The following EQTN variants were observed in gnomAD, a reference collection of about 807,000 sequenced individuals.
The protein encoded by EQTN is Acrosome formation associated factor.
A neutral mutation model predicts 26.9 loss-of-function variants in EQTN; 29 were observed. That is an observed-to-expected ratio of 1.08 (90% CI 0.80 to 1.47). The LOEUF (loss-of-function observed/expected upper bound fraction) is 1.47, where lower values mean the gene tolerates loss of function less well. Among genes scored for constraint, EQTN ranks in the 40% most tolerant of loss-of-function variants. The probability of loss-of-function intolerance (pLI) is 0.00; values close to 1 mark genes in which losing one functional copy is unlikely to be tolerated. For synonymous variants in EQTN, 129 were observed against 120.0 expected (o/e 1.07, Z -0.49); for missense variants, 391 against 346.1 (o/e 1.13, Z -1.03).
In EQTN at chr9:27,293,956, AC is replaced by A. The variant is rs1342175208; in HGVS notation, c.289+359del. The stretch of plus-strand genomic sequence containing the variant: ...AGACAAAAATCAGAAAGGCAAAAAA[AC>A]GTGGGTTTAAGAAAGATGTAAATTT... On this transcript the variant is annotated intron_variant, in intron 3 of 7. Coordinates refer to ENST00000380032, the MANE Select transcript of EQTN (RefSeq NM_020641.3). 2.6e-5 allele frequency among the ~76,000 whole-genome samples: 4 copies of A among 152,248 alleles called. No homozygotes were observed. In the South Asian group the frequency reaches 8.3e-4, roughly 32 times the overall value.
chr9:27,286,469 G>A, intron 6 of EQTN, 107 bp from the exon 7 acceptor site: 3 of 1,091,118 alleles, frequency 2.7e-6, no homozygotes, highest in South Asian at 1.6e-5. Context: ...ACCATCCAGA[G>A]TATTAACTGG....
intron 6 of EQTN, among the ~76,000 whole-genome samples, chr9:27,287,150 C>G (rs904641456): frequency 6.6e-6 from 1 of 152,120 alleles, no homozygotes; most frequent in Admixed American, 6.6e-5. Context: ...AGCCAACCCC[C>G]AGCATCTGCC....
chr9:27,297,108 C>T lies in EQTN; in HGVS notation c.-53G>A. The T allele has an allele frequency of 7.8e-7, 1 of 1,283,610 alleles. No individual in the cohort carries two copies. The allele number at this position is 1,283,610 out of a possible 1,614,324, so 79.5% of individuals were successfully genotyped here. A position where few individuals can be genotyped will look rare whatever the true frequency, so the allele number is the denominator to read the frequency against. ...ATCTAGTGCGTCTACCCAGAGCCTC[C>T]TTTCTGTGGCCCAGCAGGTCCTGTG... On this transcript the variant is annotated 5_prime_UTR_variant, in exon 1 of 8. Coordinates refer to ENST00000380032, the MANE Select transcript of EQTN (RefSeq NM_020641.3).
rs1371414760 is a variant in EQTN at position 27,296,696 on chromosome 9, T to C, written c.119A>G (p.Gln40Arg). ...VLPLNEDVNK[Q>R]EEKNEDHTPN... ...AGTATGATCTTCATTCTTTTCTTCC[T>C]GCTTATTAACATCTTCATTTAAAGG... The change falls in exon 2 of 8, where the codon CAG becomes CGG. Residue 40 changes from glutamine (Q) to arginine (R), a missense_variant. Gln to Arg is a conservative substitution (Grantham distance 43). Transcript: ENST00000380032. The C allele has an allele frequency of 5.6e-6, 9 of 1,609,510 alleles. No homozygotes were observed. Among genetic ancestry groups the C allele is most frequent in the Admixed American group, 1.7e-5 (1 of 59,092 alleles).
rs115477785 is a variant in EQTN at position 27,291,825 on chromosome 9, G to A, written c.376+576C>T. ...AAAATAGGGTTTCATGTAACGACAC[G>A]TAAGTATCCATTCTCTTCAATTAGG... On this transcript the variant is annotated intron_variant, in intron 4 of 7. Coordinates refer to ENST00000380032, the MANE Select transcript of EQTN (RefSeq NM_020641.3). 2.3e-3 allele frequency among the ~76,000 whole-genome samples: 346 copies of A among 152,258 alleles called. 1 individual carries two copies. The highest frequency in any genetic ancestry group is 8.0e-3 in the African/African-American group (333 of 41,538).
rs1031121748 is a variant in EQTN at position 27,296,926 on chromosome 9, A to G, written c.76+54T>C. ...TGCCACATACCAATTTTTCATGATT[A>G]TGGGTCATCCTTCTTACCTACTATT... On this transcript the variant is annotated intron_variant, in intron 1 of 7. Transcript: ENST00000380032. 10 of 1,594,002 alleles carry G rather than the reference A, an allele frequency of 6.3e-6. No homozygotes were observed. The East Asian group carries it at 1.6e-4, about 25-fold the overall frequency.
rs778808022 is a variant in EQTN, at chr9:27,296,639, C to A, written c.176G>T (p.Gly59Val). ...PNYAPANEKN[G>V]NYYKDIKQYV... ...TTGTTTTATATCTTTATAATAATTG[C>A]CATTTTTCTCATTAGCAGGAGCATA... Residue 59 changes from glycine (G) to valine (V), a missense_variant, in exon 2 of 8, where the codon GGC becomes GTC. Coordinates refer to ENST00000380032, the MANE Select transcript of EQTN (RefSeq NM_020641.3). 3.9e-6 allele frequency: 6 copies of A among 1,556,044 alleles called. No individual in the cohort carries two copies. The Admixed American group carries it at 8.7e-5, about 23-fold the overall frequency.
chr9:27,285,245 G>T (rs1440130161), intron 7 of EQTN, among the ~76,000 whole-genome samples: 1 of 137,354 alleles, frequency 7.3e-6, no homozygotes, highest in Non-Finnish European at 1.5e-5. Flanking sequence ...CCAGGGGCAC[G>T]CGATTCTCCT....
intron 6 of EQTN, among the ~76,000 whole-genome samples, chr9:27,287,480 G>A (rs2131304349): frequency 6.6e-6 from 1 of 152,260 alleles, no homozygotes; most frequent in Middle Eastern, 3.4e-3. Flanking sequence ...AACTAGAGAA[G>A]GGTTTGGAAT....
chr9:27,294,395 G>T lies in EQTN; in HGVS notation c.210C>A (p.Phe70Leu). 6.3e-7 allele frequency: 1 copy of T among 1,590,428 alleles called. No individual in the cohort carries two copies. Among genetic ancestry groups the T allele is most frequent in the Non-Finnish European group, 8.6e-7 (1 of 1,164,898 alleles). Residue 70 changes from phenylalanine to leucine, a missense_variant, in exon 3 of 8, where the codon TTC (phenylalanine) becomes TTA (leucine). Transcript: ENST00000380032. ...NYYKDIKQYV[F>L]TTQNPNGTES... is the part of the protein sequence containing the mutation. ...CAGTGCCATTTGGATTTTGTGTTGT[G>T]AACACATCTAAAAACAAAAGCGAAA...
intron 2 of EQTN, among the ~76,000 whole-genome samples, chr9:27,294,915 A>G (rs1407803319): frequency 2.0e-5 from 3 of 152,212 alleles, no homozygotes; most frequent in Non-Finnish European, 4.4e-5. Flanking sequence ...GTTGGCTGCA[A>G]TTCAAAACTA....
chr9:27,285,197 G>T (rs914239772), intron 7 of EQTN, among the ~76,000 whole-genome samples: 7 of 121,944 alleles, frequency 5.7e-5, no homozygotes, highest in Non-Finnish European at 1.1e-4. Context: ...AGGCTGGAGT[G>T]CAGTGGCGCA....
intron 2 of EQTN, among the ~76,000 whole-genome samples, chr9:27,294,697 T>G (rs1214746169): frequency 6.6e-6 from 1 of 152,178 alleles, no homozygotes; most frequent in Non-Finnish European, 1.5e-5. Flanking sequence ...GAAGTAGATT[T>G]GTAGATGTGC....
intron 5 of EQTN, 145 bp from the exon 6 acceptor site, chr9:27,289,876 T>C: frequency 3.9e-6 from 2 of 512,938 alleles, no homozygotes; most frequent in South Asian, 4.7e-5. Flanking sequence ...TATAAAGTCT[T>C]ATAAACACTG....
chr9:27,290,716 C>T (rs1257964536), intron 5 of EQTN, among the ~76,000 whole-genome samples: 2 of 152,176 alleles, frequency 1.3e-5, no homozygotes, highest in Non-Finnish European at 1.5e-5. Context: ...CTTTTGCATG[C>T]ACTGCTCCAA....
chr9:27,296,487 C>T (rs1288930033), intron 2 of EQTN, 126 bp downstream of exon 2: 4 of 676,218 alleles, frequency 5.9e-6, no homozygotes, highest in Non-Finnish European at 9.5e-6. Flanking sequence ...ACAGGCAGGT[C>T]ACAGAAGTAG....
chr9:27,292,142 T>C (rs2131308213), intron 4 of EQTN: 1 of 224,430 alleles, frequency 4.5e-6, no homozygotes, highest in South Asian at 1.8e-4. Flanking sequence ...GTATTTAATA[T>C]AGACACAAAT....
rs116559698 is a variant in EQTN, at chr9:27,289,184, G to A, written c.481+488C>T. Among the ~76,000 whole-genome samples the A allele has an allele frequency of 3.0e-3, 460 of 152,258 alleles. 1 individual carries two copies. The highest frequency in any genetic ancestry group is 0.011 in the African/African-American group (440 of 41,548). On this transcript the variant is annotated intron_variant, in intron 6 of 7. Coordinates refer to ENST00000380032, the MANE Select transcript of EQTN (RefSeq NM_020641.3). ...ATAAAGTCTATTTTGAAAAAAGACT[G>A]CATTCTACATATTATTCACTCACCT...
rs780960420 is a variant in EQTN at position 27,289,729 on chromosome 9, T to C, written c.424A>G (p.Ile142Val). The C allele has an allele frequency of 7.5e-6, 12 of 1,602,424 alleles. No individual in the cohort carries two copies. The Admixed American group carries it at 1.5e-4, about 20-fold the overall frequency. Reference protein sequence around the residue: ...PAFWTMLAKAINGTAVVMDDK... With the variant: ...PAFWTMLAKAVNGTAVVMDDK... ...TCCATGACCACTGCTGTTCCATTTA[T>C]AGCTGTTAAAACAAATTGGGGTTAT... is the stretch of plus-strand genomic sequence containing the variant. Residue 142 changes from isoleucine (I) to valine (V), a missense_variant and splice_region_variant, in exon 6 of 8, where the codon ATA (isoleucine) becomes GTA (valine). Ile to Val is a conservative substitution (Grantham distance 29). Transcript: ENST00000380032.
Sources: allele counts gnomAD v4.1 joint callset (sites outside exome capture counted in the v4.1 genomes callset), GRCh38; gene constraint gnomAD v4.1.1; transcripts MANE v1.5; gene names NCBI Gene and HGNC (gene_info 2026-07-23, HGNC 2026-07-21).